Variants in ZNF875 observed in about 807,000 individuals in gnomAD.
The protein encoded by ZNF875 is zinc finger protein 875.
A neutral mutation model predicts 11.2 loss-of-function variants in ZNF875; 14 were observed. The observed-to-expected ratio is 1.26, with a 90% confidence interval of 0.83 to 1.96. ZNF875 has a LOEUF of 1.96. Ranked by LOEUF, ZNF875 falls within the 30% of genes most tolerant of loss-of-function variation. ZNF875 has a pLI of 0.00. For missense variants in ZNF875, 752 were observed against 760.4 expected (o/e 0.99, Z 0.13); for synonymous variants, 301 against 281.1 (o/e 1.07, Z -0.71).
intron 1 of ZNF875, among the ~76,000 whole-genome samples, chr19:37,318,658 A>C (rs781384601): frequency 3.8e-4 from 57 of 151,372 alleles, no homozygotes; most frequent in Non-Finnish European, 6.2e-4. Flanking sequence ...AGTAGCTGGG[A>C]CTACAGGCGC....
At chr19:37,359,639 T>C (rs1380710370) in intron 4 of ZNF875, 4 of 198,784 alleles carry the variant, frequency 2.0e-5, no homozygotes, top group Non-Finnish European at 4.2e-5. Context: ...CCTGACCTTG[T>C]GATCCACCCG....
chr19:37,361,871 C>T (rs1365772430), intron 4 of ZNF875: 2 of 456,778 alleles, frequency 4.4e-6, no homozygotes, highest in South Asian at 5.7e-5. Flanking sequence ...GAGCTGAGAT[C>T]GCACCACTGC....
At chr19:37,330,061 A>G (rs2033140615), upstream of ZNF875, among the ~76,000 whole-genome samples, 2 of 152,170 alleles carry the variant, frequency 1.3e-5, no homozygotes, top group Non-Finnish European at 2.9e-5. Context: ...AATCATATAC[A>G]TTGATGAATT....
In ZNF875 at chr19:37,363,719, C is replaced by A; in HGVS notation, c.1867C>A (p.Arg623=). ...EKPYICRKCG[R]GFSRKSNLIR... ...GCCTTATATTTGCAGAAAGTGTGGA[C>A]GGGGCTTTAGTCGGAAGTCCAACCT... The change falls in exon 5 of 5, where the codon CGG becomes AGG. Residue 623 remains arginine (R), a synonymous_variant. Coordinates refer to ENST00000392153, the MANE Select transcript of ZNF875 (RefSeq NM_001353803.2). 7 of 1,613,822 alleles carry A rather than the reference C, an allele frequency of 4.3e-6. No individual in the cohort carries two copies. Among genetic ancestry groups the A allele is most frequent in the Non-Finnish European group, 5.9e-6 (7 of 1,179,882 alleles).
chr19:37,341,694 AC>A lies in ZNF875; in HGVS notation c.34-5490del, dbSNP rs372459263. 3.3e-5 allele frequency among the ~76,000 whole-genome samples: 5 copies of A among 151,896 alleles called. No individual in the cohort carries two copies. The South Asian group carries it at 1.0e-3, about 31-fold the overall frequency. ...CCCTTACCATGTGCAAGATTAACTC[AC>A]CCCCCTCCCAAGATCCCCAAAAGTT... On this transcript the variant is annotated intron_variant, in intron 2 of 4. Transcript: ENST00000392153.
chr19:37,320,376 A>G (rs2031173467), intron 1 of ZNF875, among the ~76,000 whole-genome samples: 1 of 152,170 alleles, frequency 6.6e-6, no homozygotes, highest in Non-Finnish European at 1.5e-5. Context: ...AGCATCTCCA[A>G]ATAGCCTTCA....
chr19:37,334,517 T>G (rs2033872622), upstream of ZNF875: 1 of 354,834 alleles, frequency 2.8e-6, no homozygotes, highest in South Asian at 2.1e-5. Context: ...TGTGCAGATG[T>G]CAGTCACCCT....
chr19:37,349,841 G>C (rs892545901), intron 4 of ZNF875, among the ~76,000 whole-genome samples: 2 of 151,920 alleles, frequency 1.3e-5, no homozygotes, highest in African/African-American at 4.8e-5. Context: ...TTTTAGTAGA[G>C]ACGGGGTTTC....
chr19:37,349,148 G>T lies in ZNF875; in HGVS notation c.256+1276G>T, dbSNP rs1050432391. Among the ~76,000 whole-genome samples, 6 of 152,084 alleles carry T rather than the reference G, an allele frequency of 3.9e-5. No homozygotes were observed. The South Asian group carries it at 1.2e-3, about 32-fold the overall frequency. On this transcript the variant is annotated intron_variant, in intron 4 of 4. Coordinates refer to ENST00000392153, the MANE Select transcript of ZNF875 (RefSeq NM_001353803.2). The stretch of plus-strand genomic sequence containing the variant: ...ATTCTCCCTGTGTGTGTGTCTCTGT[G>T]TCCAAATTTTCCTTGTTTGTAAGGA...
intron 2 of ZNF875, among the ~76,000 whole-genome samples, chr19:37,345,284 T>G (rs759315855): frequency 6.6e-6 from 1 of 152,164 alleles, no homozygotes; most frequent in Non-Finnish European, 1.5e-5. Context: ...TCTGTGCTCT[T>G]CTCTTGCGAT....
rs1308040565 is a variant in ZNF875, at chr19:37,363,275, G to A, written c.1423G>A (p.Glu475Lys). ...CAAACACCAGAGGTCACACACGGGG[G>A]AGAAGCCATTTGTATGTACGGAGTG... is the stretch of plus-strand genomic sequence containing the variant. ...LNKHQRSHTGEKPFVCTECGR... is the reference protein window; with the variant it reads ...LNKHQRSHTGKKPFVCTECGR... Residue 475 changes from glutamate to lysine, a missense_variant, in exon 5 of 5, where the codon GAG (glutamate) becomes AAG (lysine). Glu to Lys is a moderately conservative substitution (Grantham distance 56). Transcript: ENST00000392153. The A allele has an allele frequency of 6.2e-7, 1 of 1,613,534 alleles. No homozygotes were observed. Among genetic ancestry groups the A allele is most frequent in the Non-Finnish European group, 8.5e-7 (1 of 1,179,690 alleles).
chr19:37,352,540 G>T (rs1353212050), intron 4 of ZNF875, among the ~76,000 whole-genome samples: 6 of 152,032 alleles, frequency 3.9e-5, no homozygotes, highest in Non-Finnish European at 7.4e-5. Flanking sequence ...CACCATGTCT[G>T]GCCCATTCCA....
chr19:37,359,727 C>T, intron 4 of ZNF875: 1 of 196,142 alleles, frequency 5.1e-6, no homozygotes, highest in Non-Finnish European at 1.0e-5. Context: ...TAACCATTTG[C>T]ATATCTTTTT....
At position 37,363,784 on chromosome 19, in the gene ZNF875, T is replaced by G. The variant is rs762273450; in HGVS notation, c.*9T>G. The G allele has an allele frequency of 6.2e-7, 1 of 1,608,286 alleles. No individual in the cohort carries two copies. Among genetic ancestry groups the G allele is most frequent in the Non-Finnish European group, 8.5e-7 (1 of 1,174,998 alleles). ...GGACACACTCAGGATAGAAACTTTA[T>G]GTGTATAGGGAATGTGGTACAGCCT... On this transcript the variant is annotated 3_prime_UTR_variant, in exon 5 of 5. Coordinates refer to ENST00000392153, the MANE Select transcript of ZNF875 (RefSeq NM_001353803.2).
upstream of ZNF875, among the ~76,000 whole-genome samples, chr19:37,333,194 CAT>C (rs1227963635): frequency 1.3e-5 from 2 of 152,172 alleles, no homozygotes; most frequent in Non-Finnish European, 2.9e-5. Context: ...TACATCTAAA[CAT>C]AGTGATTTGG....
intron 4 of ZNF875, among the ~76,000 whole-genome samples, chr19:37,355,454 C>CT (rs537757409): frequency 1.5e-4 from 23 of 152,310 alleles, no homozygotes; most frequent in South Asian, 4.1e-4. Flanking sequence ...TCCCAAAGTG[C>CT]TGGGATTACA....
intron 4 of ZNF875, among the ~76,000 whole-genome samples, chr19:37,327,268 C>T (rs771636340): frequency 3.3e-5 from 5 of 152,026 alleles, no homozygotes; most frequent in Non-Finnish European, 7.4e-5. Flanking sequence ...GCTGGTATTA[C>T]AGGCATGAGC....
chr19:37,339,684 CCTCTTGAGTAG>C lies in ZNF875; in HGVS notation c.33+4430_33+4440del, dbSNP rs540890219. On this transcript the variant is annotated intron_variant, in intron 2 of 4. Coordinates refer to ENST00000392153, the MANE Select transcript of ZNF875 (RefSeq NM_001353803.2). ...GGTTCGAGCAATTCTCTTGCCTCAG[CCTCTTGAGTAG>C]CTGGGATTACAGGTGCCCGCCACCA... is the stretch of plus-strand genomic sequence containing the variant. Among the ~76,000 whole-genome samples, 59 of 151,746 alleles carry C rather than the reference CCTCTTGAGTAG, an allele frequency of 3.9e-4. 1 individual carries two copies. The East Asian group carries it at 0.012, about 30-fold the overall frequency.
At chr19:37,356,304 G>A (rs1045093065) in intron 4 of ZNF875, among the ~76,000 whole-genome samples, 2 of 152,136 alleles carry the variant, frequency 1.3e-5, no homozygotes, top group African/African-American at 4.8e-5. Flanking sequence ...TGGATTGAAT[G>A]GTAGTTCTAT....
Sources: allele counts gnomAD v4.1 joint callset (sites outside exome capture counted in the v4.1 genomes callset), GRCh38; gene constraint gnomAD v4.1.1; transcripts MANE v1.5; gene names NCBI Gene and HGNC (gene_info 2026-07-23, HGNC 2026-07-21).